OR2M2: variants seen among roughly 807,000 people sequenced by gnomAD.
OR2M2 encodes olfactory receptor family 2 subfamily M member 2.
For missense variants in OR2M2, 467 were observed against 429.9 expected, an observed-to-expected ratio of 1.09 and a Z score of -0.76; for synonymous variants, 168 against 151.7, an observed-to-expected ratio of 1.11 and a Z score of -0.79.
chr1:248,179,964 C>G lies in OR2M2; in HGVS notation c.-18-4C>G. On this transcript the variant is annotated splice_polypyrimidine_tract_variant and splice_region_variant and intron_variant, in intron 1 of 1. Coordinates refer to ENST00000641836, the MANE Select transcript of OR2M2 (RefSeq NM_001004688.2). ...AAATTAATAAGATGGTTTTGTGGTA[C>G]TAGGTAAAAAGCACATTCATCATGG... 6.3e-7 allele frequency: 1 copy of G among 1,590,588 alleles called. No homozygotes were observed. The highest frequency in any genetic ancestry group is 8.6e-7 in the Non-Finnish European group (1 of 1,168,174).
chr1:248,175,886 T>A (rs1246977912), intron 1 of OR2M2, among the ~76,000 whole-genome samples: 1 of 152,094 alleles, frequency 6.6e-6, no homozygotes, highest in Non-Finnish European at 1.5e-5. Flanking sequence ...CTCATGAGGG[T>A]GTTCCCTGTG....
In OR2M2 at chr1:248,180,205, A is replaced by G; in HGVS notation, c.220A>G (p.Ile74Val). 6.2e-7 allele frequency: 1 copy of G among 1,614,096 alleles called. No individual in the cohort carries two copies. The highest frequency in any genetic ancestry group is 8.5e-7 in the Non-Finnish European group (1 of 1,180,012). ...SQLSLMDLML[I>V]CTTVPKMAFN... ...ACTGTCCCTCATGGACCTCATGCTC[A>G]TCTGCACCACCGTACCCAAGATGGC... Residue 74 changes from isoleucine (I) to valine (V), a missense_variant, in exon 2 of 2, where the codon ATC becomes GTC. By Grantham distance (29) the Ile-to-Val change is conservative. Transcript: ENST00000641836.
chr1:248,177,144 G>C (rs1369732244), intron 1 of OR2M2, among the ~76,000 whole-genome samples: 2 of 151,984 alleles, frequency 1.3e-5, no homozygotes, highest in African/African-American at 4.8e-5. Flanking sequence ...CAAAATACAA[G>C]ACAAATAAGT....
intron 1 of OR2M2, among the ~76,000 whole-genome samples, chr1:248,176,130 C>T (rs894191629): frequency 3.3e-5 from 5 of 152,124 alleles, no homozygotes; most frequent in Admixed American, 3.3e-4. Context: ...CAGCGGATTA[C>T]ACATGCTGTC....
At chr1:248,179,880 C>A in intron 1 of OR2M2, 88 bp from the exon 2 acceptor site, 1 of 1,221,568 alleles carries the variant, frequency 8.2e-7, no homozygotes, top group Non-Finnish European at 1.2e-6. Context: ...GTATTGATCA[C>A]CCAACTACAG....
chr1:248,180,457 A>G lies in OR2M2; in HGVS notation c.472A>G (p.Ile158Val). The G allele has an allele frequency of 4.3e-6, 7 of 1,613,944 alleles. No homozygotes were observed. The highest frequency in any genetic ancestry group is 5.9e-6 in the Non-Finnish European group (7 of 1,179,906). ...GATCCTGGGCTCTACAGATGGAATCATTGATGCTGTAGCCACATTTTCCTT... is the reference window on the plus strand; with the variant it reads ...GATCCTGGGCTCTACAGATGGAATCGTTGATGCTGTAGCCACATTTTCCTT... Reference protein sequence around the residue: ...SWILGSTDGIIDAVATFSFSF... With the variant: ...SWILGSTDGIVDAVATFSFSF... Residue 158 changes from isoleucine (I) to valine (V), a missense_variant, in exon 2 of 2, where the codon ATT becomes GTT. Physicochemically the swap from Ile to Val is conservative, Grantham distance 29 (BLOSUM62 3). Coordinates refer to ENST00000641836, the MANE Select transcript of OR2M2 (RefSeq NM_001004688.2).
At position 248,180,951 on chromosome 1, in the gene OR2M2, G is replaced by C. The variant is rs1665927813; in HGVS notation, c.966G>C (p.Leu322=). 1.9e-6 allele frequency: 3 copies of C among 1,613,886 alleles called. No individual in the cohort carries two copies. The East Asian group carries it at 6.7e-5, about 36-fold the overall frequency. ...SELPHKLYVL[L]FAKFFFLISI... ...TACCTCATAAACTTTATGTTTTGCT[G>C]TTTGCTAAATTCTTCTTTCTAATAT... Residue 322 remains leucine (L), a synonymous_variant, in exon 2 of 2, where the codon CTG becomes CTC. Transcript: ENST00000641836.
chr1:248,179,275 C>T (rs6683114), intron 1 of OR2M2, among the ~76,000 whole-genome samples: 132,736 of 152,150 alleles, frequency 0.87, 58,307 homozygotes, highest in East Asian at 1. Context: ...GCTCCAATAT[C>T]ACCTCACATT....
chr1:248,176,288 C>G lies in OR2M2; in HGVS notation c.-19+1417C>G, dbSNP rs1665855893. ...TACTATTGCTCTGGCATGTGCACAGCACCACACTGTCATGAAATCTGATGA... is the reference window on the plus strand; with the variant it reads ...TACTATTGCTCTGGCATGTGCACAGGACCACACTGTCATGAAATCTGATGA... On this transcript the variant is annotated intron_variant, in intron 1 of 1. Coordinates refer to ENST00000641836, the MANE Select transcript of OR2M2 (RefSeq NM_001004688.2). Among the ~76,000 whole-genome samples the G allele has an allele frequency of 2.0e-5, 3 of 152,014 alleles. No homozygotes were observed. In the South Asian group the frequency reaches 6.2e-4, roughly 31 times the overall value.
chr1:248,180,500 G>A lies in OR2M2; in HGVS notation c.515G>A (p.Arg172Gln), dbSNP rs200148029. 18 of 1,613,780 alleles carry A rather than the reference G, an allele frequency of 1.1e-5. No individual in the cohort carries two copies. The highest frequency in any genetic ancestry group is 4.5e-5 in the East Asian group (2 of 44,884). The change falls in exon 2 of 2, where the codon CGG becomes CAG. Residue 172 changes from arginine (R) to glutamine (Q), a missense_variant. By Grantham distance (43) the Arg-to-Gln change is conservative (BLOSUM62 1). Transcript: ENST00000641836. Reference protein sequence around the residue: ...ATFSFSFCGSREIAHFFCEFP... With the variant: ...ATFSFSFCGSQEIAHFFCEFP... Reference sequence around the variant, plus strand: ...TTTTCCTTCTCCTTTTGTGGGTCTCGGGAAATAGCCCACTTCTTCTGTGAA... The same window carrying A: ...TTTTCCTTCTCCTTTTGTGGGTCTCAGGAAATAGCCCACTTCTTCTGTGAA...
chr1:248,175,707 G>A (rs7534728), intron 1 of OR2M2, among the ~76,000 whole-genome samples: 6,812 of 151,960 alleles, frequency 0.045, 525 homozygotes, highest in African/African-American at 0.16. Flanking sequence ...AATATGTTAC[G>A]TCTATATTTT....
At chr1:248,175,017 CT>C (rs1665843725) in intron 1 of OR2M2, 146 bp downstream of exon 1, 1 of 152,148 alleles carries the variant, frequency 6.6e-6, no homozygotes, top group Admixed American at 6.5e-5. Context: ...TACAATATTA[CT>C]TTGAGAAATG....
intron 1 of OR2M2, among the ~76,000 whole-genome samples, chr1:248,175,257 C>A (rs1233782008): frequency 6.6e-6 from 1 of 152,098 alleles, no homozygotes; most frequent in Non-Finnish European, 1.5e-5. Flanking sequence ...GTAGCTCATG[C>A]AGGATGAGAA....
At chr1:248,178,941 G>A (rs933105545) in intron 1 of OR2M2, among the ~76,000 whole-genome samples, 6 of 152,110 alleles carry the variant, frequency 3.9e-5, no homozygotes, top group African/African-American at 1.4e-4. Flanking sequence ...GTGTGTATTA[G>A]TTTCCTAAGA....
At chr1:248,175,693 A>G (rs1665850217) in intron 1 of OR2M2, among the ~76,000 whole-genome samples, 1 of 152,164 alleles carries the variant, frequency 6.6e-6, no homozygotes, top group Admixed American at 6.5e-5. Context: ...AAATGTTTAC[A>G]ACAAATATGT....
At chr1:248,178,179 A>G (rs1221362138) in intron 1 of OR2M2, among the ~76,000 whole-genome samples, 1 of 152,192 alleles carries the variant, frequency 6.6e-6, no homozygotes, top group Admixed American at 6.6e-5. Context: ...GACAAATTCT[A>G]GATTCCATCT....
At chr1:248,176,857 T>C (rs1665862553) in intron 1 of OR2M2, among the ~76,000 whole-genome samples, 1 of 152,094 alleles carries the variant, frequency 6.6e-6, no homozygotes, top group African/African-American at 2.4e-5. Flanking sequence ...TAAAGATAAG[T>C]ACAATCTGTC....
chr1:248,179,891 A>G, intron 1 of OR2M2, 77 bp from the exon 2 acceptor site: 1 of 1,403,296 alleles, frequency 7.1e-7, no homozygotes, highest in Non-Finnish European at 9.8e-7. Context: ...CCAACTACAG[A>G]ATTTACCAAA....
At chr1:248,176,206 C>T (rs142845469) in intron 1 of OR2M2, among the ~76,000 whole-genome samples, 1 of 152,118 alleles carries the variant, frequency 6.6e-6, no homozygotes, top group African/African-American at 2.4e-5. Flanking sequence ...GTCTCTTTTC[C>T]ATCATCTCAC....
Sources: allele counts gnomAD v4.1 joint callset (sites outside exome capture counted in the v4.1 genomes callset), GRCh38; gene constraint gnomAD v4.1.1; transcripts MANE v1.5; gene names NCBI Gene and HGNC (gene_info 2026-07-23, HGNC 2026-07-21).